Variants in KLF8 observed in about 807,000 individuals in gnomAD.
KLF8 encodes Krueppel-like factor 8.
KLF8 carries 10 observed loss-of-function variants against 18.2 expected under a neutral mutation model. The ratio of observed to expected loss-of-function variants is 0.55; its 90% CI spans 0.34 to 0.93. The LOEUF (loss-of-function observed/expected upper bound fraction) is 0.93. KLF8 is among the 40% of genes least tolerant of loss of function. The pLI, the probability that KLF8 is intolerant of heterozygous loss-of-function variation, is 0.02. For synonymous variants in KLF8, 109 were observed against 97.3 expected, an observed-to-expected ratio of 1.12 and a Z score of -0.71; for missense variants, 264 against 277.9, an observed-to-expected ratio of 0.95 and a Z score of 0.36.
the KLF8 span, among the ~76,000 whole-genome samples, chrX:56,067,108 G>A: frequency 1.9e-5 from 2 of 107,646 alleles, no homozygotes; most frequent in Non-Finnish European, 3.9e-5. Context: ...TTCTGTCTTA[G>A]GTGATCTCTT....
chrX:56,123,257 G>GAA, the KLF8 span, among the ~76,000 whole-genome samples: 1 of 76,525 alleles, frequency 1.3e-5, no homozygotes, highest in African/African-American at 5.1e-5. Context: ...GAAAGAAAAA[G>GAA]AAAGAAAGAA....
chrX:56,164,727 C>CTCTTTTTTTTTTTTTTTT, the KLF8 span, among the ~76,000 whole-genome samples: 1 of 21,688 alleles, frequency 4.6e-5, no homozygotes, highest in East Asian at 1.3e-3. Flanking sequence ...TTCTTGTTAT[C>CTCTTTTTTTTTTTTTTTT]TCTTTTTTTT....
chrX:56,199,321 G>C, the KLF8 span, among the ~76,000 whole-genome samples: 14 of 111,473 alleles, frequency 1.3e-4, no homozygotes, highest in Non-Finnish European at 2.3e-4. Flanking sequence ...GATGTGAGAA[G>C]GTTTTTGCAA....
chrX:55,974,871 C>T, the KLF8 span, among the ~76,000 whole-genome samples: 1 of 112,121 alleles, frequency 8.9e-6, no homozygotes, highest in Admixed American at 9.5e-5. Flanking sequence ...TTGATTCTTC[C>T]AATCCATGAA....
chrX:56,004,011 C>A, the KLF8 span, among the ~76,000 whole-genome samples: 2 of 112,010 alleles, frequency 1.8e-5, no homozygotes, highest in Admixed American at 9.5e-5. Context: ...CTTTCTGTCA[C>A]CCTTATTAAT....
the KLF8 span, among the ~76,000 whole-genome samples, chrX:56,182,705 G>A: frequency 7.1e-5 from 8 of 112,907 alleles, no homozygotes; most frequent in African/African-American, 2.6e-4. Flanking sequence ...ATTCTCAGCT[G>A]TAGGTCTGTT....
chrX:56,182,818 C>T, the KLF8 span, among the ~76,000 whole-genome samples: 2 of 112,318 alleles, frequency 1.8e-5, no homozygotes, highest in African/African-American at 6.5e-5. Context: ...GCTGCCTGTT[C>T]CTTCTTCTGG....
chrX:56,242,202 G>A (rs1243988671), intron 1 of KLF8, among the ~76,000 whole-genome samples: 3 of 111,739 alleles, frequency 2.7e-5, no homozygotes, highest in Non-Finnish European at 5.6e-5. Context: ...TTTTCTTTTT[G>A]TGGAAAAGAA....
the KLF8 span, among the ~76,000 whole-genome samples, chrX:56,079,314 T>A: frequency 9.0e-6 from 1 of 111,011 alleles, no homozygotes; most frequent in Non-Finnish European, 1.9e-5. Flanking sequence ...CTGCTTTGAA[T>A]GCATCCCAGA....
the KLF8 span, among the ~76,000 whole-genome samples, chrX:56,002,665 G>T: frequency 8.9e-6 from 1 of 112,204 alleles, no homozygotes; most frequent in Non-Finnish European, 1.9e-5. Flanking sequence ...GAATGGATGA[G>T]TGAATATATA....
At chrX:55,942,782 G>A in the KLF8 span, among the ~76,000 whole-genome samples, 3 of 112,217 alleles carry the variant, frequency 2.7e-5, no homozygotes, top group African/African-American at 9.7e-5. Flanking sequence ...AAGCCAACAA[G>A]TGCAAAGGCC....
the KLF8 span, among the ~76,000 whole-genome samples, chrX:56,178,451 G>T: frequency 8.9e-6 from 1 of 111,918 alleles, no homozygotes; most frequent in Non-Finnish European, 1.9e-5. Flanking sequence ...CACTCTGATG[G>T]TAGTTTGTTT....
the KLF8 span, among the ~76,000 whole-genome samples, chrX:56,196,539 A>G: frequency 1.1e-4 from 12 of 112,503 alleles, no homozygotes; most frequent in African/African-American, 3.9e-4. Context: ...TTGAACAAGA[A>G]GAGCTAACTA....
At chrX:56,146,712 TAAA>T in the KLF8 span, among the ~76,000 whole-genome samples, 951 of 98,943 alleles carry the variant, frequency 9.6e-3, 3 homozygotes, top group African/African-American at 0.018. Context: ...TAAAGTATAA[TAAA>T]AAAAAAAAAA....
chrX:56,173,016 A>C, the KLF8 span, among the ~76,000 whole-genome samples: 1 of 111,677 alleles, frequency 9.0e-6, no homozygotes, highest in East Asian at 2.8e-4. Flanking sequence ...GTCAGATGAG[A>C]ACATTGCAAA....
At chrX:56,055,767 AT>A in the KLF8 span, among the ~76,000 whole-genome samples, 10 of 110,117 alleles carry the variant, frequency 9.1e-5, no homozygotes, top group African/African-American at 2.6e-4. Context: ...GATTTTTTTA[AT>A]TTTTTTTCTC....
intron 1 of KLF8, among the ~76,000 whole-genome samples, chrX:56,247,829 C>CT (rs1391917079): frequency 6.3e-5 from 7 of 110,929 alleles, no homozygotes; most frequent in Admixed American, 5.8e-4. Flanking sequence ...TTATAATTAA[C>CT]TTTTTTTTAG....
the KLF8 span, among the ~76,000 whole-genome samples, chrX:55,997,926 G>T: frequency 9.0e-6 from 1 of 110,738 alleles, no homozygotes; most frequent in Non-Finnish European, 1.9e-5. Flanking sequence ...GCCAGCCTCT[G>T]AGTCCCCTTA....
rs773651338 is a variant in KLF8, at chrX:56,278,684, C to T, written c.899-5629C>T. On this transcript the variant is annotated intron_variant, in intron 5 of 5. Coordinates refer to ENST00000468660, the MANE Select transcript of KLF8 (RefSeq NM_007250.5). ...TGATATCTTAATATATCATATGCTCCCCGCAAGTCCACTGGCTCTGAGCCC... is the reference window on the plus strand; with the variant it reads ...TGATATCTTAATATATCATATGCTCTCCGCAAGTCCACTGGCTCTGAGCCC... 3.6e-5 allele frequency among the ~76,000 whole-genome samples: 4 copies of T among 111,005 alleles called. No homozygotes were observed. The East Asian group carries it at 1.1e-3, about 31-fold the overall frequency.
Sources: gnomAD v4.1 joint callset for allele counts (sites outside exome capture counted in the v4.1 genomes callset) on GRCh38, gnomAD v4.1.1 for gene constraint, MANE v1.5 for transcripts, NCBI Gene and HGNC (gene_info 2026-07-23, HGNC 2026-07-21) for gene names.